Variants in RREB1 observed in about 807,000 individuals in gnomAD.
RREB1 encodes the protein ras responsive element binding protein 1.
Under a neutral mutation model 117.8 loss-of-function variants are expected in RREB1, and 27 were observed. The ratio of observed to expected loss-of-function variants is 0.23; its 90% CI spans 0.17 to 0.32. The LOEUF (loss-of-function observed/expected upper bound fraction) is 0.32, where lower values mean the gene tolerates loss of function less well. Ranked by LOEUF, RREB1 falls within the 10% of genes least tolerant of loss-of-function variation. The probability of loss-of-function intolerance (pLI) is 1.00; values close to 1 mark genes in which losing one functional copy is unlikely to be tolerated. For synonymous variants in RREB1, 1,298 were observed against 1,026.7 expected (o/e 1.26, Z -5.05); for missense variants, 2,577 against 2,378.2 (o/e 1.08, Z -1.74).
chr6:7,115,317 G>A (rs1761343934), intron 1 of RREB1, among the ~76,000 whole-genome samples: 2 of 151,996 alleles, frequency 1.3e-5, no homozygotes, highest in Admixed American at 6.6e-5. Flanking sequence ...TGATCTTTTA[G>A]CCAGCAAGTG....
intron 1 of RREB1, among the ~76,000 whole-genome samples, chr6:7,123,902 C>T (rs560424106): frequency 1.3e-5 from 2 of 152,104 alleles, no homozygotes; most frequent in Non-Finnish European, 2.9e-5. Flanking sequence ...TGAGCCACCG[C>T]GCCCGGCCTC....
intron 8 of RREB1, chr6:7,218,254 G>A (rs1767023801): frequency 6.6e-6 from 1 of 152,216 alleles, no homozygotes; most frequent in Non-Finnish European, 1.5e-5. Context: ...TCAGATATCT[G>A]TCCCTCAGCT....
chr6:7,141,049 C>G (rs954685289), intron 1 of RREB1, among the ~76,000 whole-genome samples: 47 of 152,230 alleles, frequency 3.1e-4, no homozygotes, highest in African/African-American at 1.1e-3. Flanking sequence ...CTCCCAGGGC[C>G]TCGAGGGTCT....
intron 1 of RREB1, among the ~76,000 whole-genome samples, chr6:7,109,029 G>T (rs890792164): frequency 7.9e-5 from 12 of 151,620 alleles, no homozygotes; most frequent in Non-Finnish European, 1.5e-4. Context: ...GCGGGCGGGG[G>T]GGGTGGGGGG....
At chr6:7,109,370 T>A (rs1261687488) in intron 1 of RREB1, among the ~76,000 whole-genome samples, 2 of 152,006 alleles carry the variant, frequency 1.3e-5, no homozygotes, top group African/African-American at 4.8e-5. Context: ...GGGGAGGTCC[T>A]TCCCGTCGCC....
Position 7,248,896 on chromosome 6 carries a change from G to T in RREB1, c.5157G>T (p.Pro1719=). The part of the protein sequence containing the change: ...PAALGQDLLE[P]RSKRPAHPIL... ...CCCTGGGGCAGGACCTGCTGGAGCC[G>T]CGCAGCAAGAGGCCTGCCCACCCAA... Residue 1719 remains proline (P), a synonymous_variant, in exon 13 of 13, where the codon CCG becomes CCT. Transcript: ENST00000379938. The T allele has an allele frequency of 6.4e-7, 1 of 1,568,186 alleles. No homozygotes were observed. Among genetic ancestry groups the T allele is most frequent in the Non-Finnish European group, 8.6e-7 (1 of 1,158,422 alleles).
intron 5 of RREB1, 132 bp from the exon 6 acceptor site, chr6:7,189,027 T>C: frequency 1.2e-6 from 1 of 832,516 alleles, no homozygotes. Context: ...GAAAGATATT[T>C]AAAATGAAAG....
At position 7,231,546 on chromosome 6, in the gene RREB1, G is replaced by A. The variant is rs376370360; in HGVS notation, c.3447G>A (p.Thr1149=). ...CCACCGAGCAGGGCCCAGCGGGCAC[G>A]TCGAAGAAGAGGGGCCGGAAAAGGG... ...ASPTEQGPAG[T]SKKRGRKRGM... is the part of the protein sequence containing the mutation. The change falls in exon 10 of 13, where the codon ACG becomes ACA. Residue 1149 remains threonine (T), a synonymous_variant. Transcript: ENST00000379938. 193 of 1,609,420 alleles carry A rather than the reference G, an allele frequency of 1.2e-4. No homozygotes were observed. Among genetic ancestry groups the A allele is most frequent in the Middle Eastern group, 1.7e-4 (1 of 6,018 alleles).
intron 1 of RREB1, among the ~76,000 whole-genome samples, chr6:7,150,472 A>G (rs763898128): frequency 6.6e-5 from 10 of 152,174 alleles, no homozygotes; most frequent in Non-Finnish European, 1.3e-4. Context: ...TTAGTTTTGA[A>G]ATTAAACTAT....
At chr6:7,155,026 G>A (rs1213187313) in intron 1 of RREB1, among the ~76,000 whole-genome samples, 1 of 152,122 alleles carries the variant, frequency 6.6e-6, no homozygotes. Flanking sequence ...AAATAGAACG[G>A]GGTTGTTAGG....
chr6:7,199,697 T>C (rs1170719503), intron 6 of RREB1, among the ~76,000 whole-genome samples: 1 of 152,060 alleles, frequency 6.6e-6, no homozygotes, highest in Non-Finnish European at 1.5e-5. Flanking sequence ...GGGGTCTCAC[T>C]CTGTCTCCCA....
intron 1 of RREB1, among the ~76,000 whole-genome samples, chr6:7,167,519 A>G (rs1411249199): frequency 6.6e-6 from 1 of 151,964 alleles, no homozygotes; most frequent in Admixed American, 6.6e-5. Context: ...ACGCCCAGCT[A>G]ATTTTTTGTA....
intron 1 of RREB1, among the ~76,000 whole-genome samples, chr6:7,172,700 G>C (rs532066284): frequency 9.9e-6 from 1 of 101,174 alleles, no homozygotes; most frequent in African/African-American, 4.4e-5. Flanking sequence ...GTGGGGGGGT[G>C]GGGGTGACTT....
chr6:7,107,843 G>C (rs1253908230), upstream of RREB1: 3 of 153,188 alleles, frequency 2.0e-5, no homozygotes, highest in Non-Finnish European at 4.4e-5. Context: ...GGGCCGGGAC[G>C]ACGGCTGGGG....
intron 1 of RREB1, among the ~76,000 whole-genome samples, chr6:7,145,588 G>C (rs766607773): frequency 1.3e-5 from 2 of 152,068 alleles, no homozygotes; most frequent in Non-Finnish European, 1.5e-5. Flanking sequence ...GTTCAAGTGC[G>C]TGAAAACTGG....
At chr6:7,217,998 T>C (rs1231095055) in intron 8 of RREB1, 1 of 152,242 alleles carries the variant, frequency 6.6e-6, no homozygotes, top group Non-Finnish European at 1.5e-5. Flanking sequence ...TAAATTTGGT[T>C]TGAGTCTTGC....
At chr6:7,110,479 GGTGT>G (rs111267508) in intron 1 of RREB1, among the ~76,000 whole-genome samples, 1 of 149,520 alleles carries the variant, frequency 6.7e-6, no homozygotes, top group African/African-American at 2.5e-5. Flanking sequence ...TTTTAGGGGT[GGTGT>G]GTGTGTGTGT....
chr6:7,190,908 T>C (rs912963262), intron 6 of RREB1, among the ~76,000 whole-genome samples: 3 of 152,252 alleles, frequency 2.0e-5, no homozygotes, highest in South Asian at 4.1e-4. Context: ...GAACTCCCCA[T>C]GGGCCAGCTC....
At chr6:7,180,987 A>G (rs749436974) in intron 2 of RREB1, 137 bp from the exon 3 acceptor site, 1 of 390,028 alleles carries the variant, frequency 2.6e-6, no homozygotes, top group Non-Finnish European at 4.5e-6. Flanking sequence ...GAAGAAAGAA[A>G]GGCAGACATT....
Sources: allele counts gnomAD v4.1 joint callset (sites outside exome capture counted in the v4.1 genomes callset), GRCh38; gene constraint gnomAD v4.1.1; transcripts MANE v1.5; gene names NCBI Gene and HGNC (gene_info 2026-07-23, HGNC 2026-07-21).